REEP5: variants seen among roughly 807,000 people sequenced by gnomAD.
The protein encoded by REEP5 is receptor expression-enhancing protein 5.
Under a neutral mutation model 22.4 loss-of-function variants are expected in REEP5, and 24 were observed. The observed-to-expected ratio is 1.07, with a 90% confidence interval of 0.78 to 1.51. The LOEUF (loss-of-function observed/expected upper bound fraction) is 1.51, where lower values mean the gene tolerates loss of function less well. Ranked by LOEUF, REEP5 falls within the 40% of genes most tolerant of loss-of-function variation. REEP5 has a pLI of 0.00. For missense variants in REEP5, 252 were observed against 233.0 expected, an observed-to-expected ratio of 1.08 and a Z score of -0.53; for synonymous variants, 103 against 88.6, an observed-to-expected ratio of 1.16 and a Z score of -0.92.
Position 112,902,488 on chromosome 5 carries a change from T to G in REEP5, c.243A>C (p.Glu81Asp), listed in dbSNP as rs539446105. The G allele has an allele frequency of 6.2e-7, 1 of 1,609,370 alleles. No individual in the cohort carries two copies. Among genetic ancestry groups the G allele is most frequent in the Non-Finnish European group, 8.5e-7 (1 of 1,178,498 alleles). Residue 81 changes from glutamate (E) to aspartate (D), a missense_variant, in exon 3 of 5, where the codon GAA becomes GAC. Glu to Asp is a conservative substitution (Grantham distance 45). Transcript: ENST00000379638. ...AGTAGGTCAGCCACTGGGTATCATC[T>G]TCTTTGTTGGGACTCTCTATAGCTT... ...SIKAIESPNK[E>D]DDTQWLTYWV...
chr5:112,900,093 T>A (rs1768809310), intron 3 of REEP5, among the ~76,000 whole-genome samples: 1 of 152,250 alleles, frequency 6.6e-6, no homozygotes, highest in African/African-American at 2.4e-5. Flanking sequence ...ATTTCACTAT[T>A]TTAACTCACA....
intron 3 of REEP5, chr5:112,891,499 T>C: frequency 8.7e-7 from 1 of 1,151,468 alleles, no homozygotes; most frequent in Non-Finnish European, 1.2e-6. Context: ...ATTTGTAATA[T>C]ATATAAGTAT....
intron 2 of REEP5, among the ~76,000 whole-genome samples, chr5:112,908,531 A>T (rs1027351538): frequency 1.3e-5 from 2 of 150,270 alleles, no homozygotes; most frequent in Admixed American, 1.3e-4. Context: ...AACAGCTAAT[A>T]ATTTTTTTTT....
At chr5:112,897,690 C>T (rs12332080) in intron 3 of REEP5, 1 of 152,150 alleles carries the variant, frequency 6.6e-6, no homozygotes, top group African/African-American at 2.4e-5. Flanking sequence ...TTTTATTTTC[C>T]TCCAATCTTA....
chr5:112,880,165 C>T (rs1224241505), intron 4 of REEP5, among the ~76,000 whole-genome samples: 1 of 152,050 alleles, frequency 6.6e-6, no homozygotes, highest in Non-Finnish European at 1.5e-5. Context: ...AATCCCAGAG[C>T]TTTGAGAGGC....
intron 3 of REEP5, among the ~76,000 whole-genome samples, chr5:112,887,649 A>G (rs948614149): frequency 2.2e-4 from 34 of 152,176 alleles, no homozygotes; most frequent in African/African-American, 8.0e-4. Context: ...TACCTTGTCC[A>G]TTCCTGAATT....
At chr5:112,896,711 G>A (rs1768690131) in intron 3 of REEP5, 1 of 151,370 alleles carries the variant, frequency 6.6e-6, no homozygotes, top group Non-Finnish European at 1.5e-5. Flanking sequence ...TGAGGTGGGT[G>A]GATCACAAGG....
chr5:112,918,243 GAAC>G (rs1396909551), intron 2 of REEP5, among the ~76,000 whole-genome samples: 1 of 152,128 alleles, frequency 6.6e-6, no homozygotes, highest in Non-Finnish European at 1.5e-5. Context: ...CACACGGAAA[GAAC>G]AACCAGTAGG....
At chr5:112,886,611 G>C (rs1768254445) in intron 4 of REEP5, among the ~76,000 whole-genome samples, 1 of 152,128 alleles carries the variant, frequency 6.6e-6, no homozygotes, top group African/African-American at 2.4e-5. Flanking sequence ...ATGCTTGATG[G>C]AATTTTTCCT....
At chr5:112,881,544 G>A (rs923328268) in intron 4 of REEP5, among the ~76,000 whole-genome samples, 12 of 152,164 alleles carry the variant, frequency 7.9e-5, no homozygotes, top group Non-Finnish European at 1.5e-4. Context: ...TGAGGACACT[G>A]CTTTCTCAAG....
chr5:112,876,684 A>G lies in REEP5; in HGVS notation c.*2102T>C, dbSNP rs1767905508. On this transcript the variant is annotated 3_prime_UTR_variant, in exon 5 of 5. Transcript: ENST00000379638. The stretch of plus-strand genomic sequence containing the variant: ...TGTTTTCTAGCCAGGCACAGGCTCA[A>G]TTAGTTTTTCAAACTCTAGCCAAGG... The G allele has an allele frequency of 6.6e-6, 1 of 152,228 alleles. No individual in the cohort carries two copies. Among genetic ancestry groups the G allele is most frequent in the African/African-American group, 2.4e-5 (1 of 41,470 alleles). The allele number at this position is 152,228 out of a possible 1,614,324, so 9.4% of individuals were successfully genotyped here.
At chr5:112,882,410 G>A (rs1580728421) in intron 4 of REEP5, among the ~76,000 whole-genome samples, 1 of 152,126 alleles carries the variant, frequency 6.6e-6, no homozygotes, top group African/African-American at 2.4e-5. Context: ...AAATTCCATT[G>A]TCAAGCATTA....
chr5:112,892,226 A>G (rs771543724), intron 3 of REEP5: 4 of 1,614,066 alleles, frequency 2.5e-6, no homozygotes, highest in Non-Finnish European at 3.4e-6. Context: ...TCACGTAAAC[A>G]TAATTTCCCA....
chr5:112,897,488 A>C (rs1268881034), intron 3 of REEP5: 1 of 152,172 alleles, frequency 6.6e-6, no homozygotes, highest in East Asian at 1.9e-4. Flanking sequence ...GTTCTAAATA[A>C]ATCTGCTGAA....
chr5:112,891,845 T>C (rs1374430501), intron 3 of REEP5: 1 of 1,548,918 alleles, frequency 6.5e-7, no homozygotes, highest in Non-Finnish European at 8.9e-7. Flanking sequence ...GAGAAGCTAT[T>C]GGAAAGAGAG....
chr5:112,884,571 C>A (rs867360747), intron 4 of REEP5, among the ~76,000 whole-genome samples: 1 of 151,802 alleles, frequency 6.6e-6, no homozygotes, highest in African/African-American at 2.4e-5. Flanking sequence ...GAGAGCGGGT[C>A]TCCATAGGAG....
At chr5:112,899,294 TG>T (rs1768789324) in intron 3 of REEP5, among the ~76,000 whole-genome samples, 1 of 151,474 alleles carries the variant, frequency 6.6e-6, no homozygotes, top group Non-Finnish European at 1.5e-5. Flanking sequence ...TGCTGTGATC[TG>T]GGAGCCTGGT....
intron 2 of REEP5, among the ~76,000 whole-genome samples, chr5:112,913,141 T>C (rs1463714756): frequency 1.3e-5 from 2 of 151,844 alleles, no homozygotes; most frequent in Non-Finnish European, 1.5e-5. Context: ...CCATCTCTAT[T>C]AAAAACACAA....
chr5:112,900,034 A>G (rs1196469796), intron 3 of REEP5, among the ~76,000 whole-genome samples: 1 of 152,198 alleles, frequency 6.6e-6, no homozygotes, highest in Non-Finnish European at 1.5e-5. Context: ...CCAATACCAG[A>G]TATTTTCAAT....
Sources: gnomAD v4.1 joint callset for allele counts (sites outside exome capture counted in the v4.1 genomes callset) on GRCh38, gnomAD v4.1.1 for gene constraint, MANE v1.5 for transcripts, NCBI Gene and HGNC (gene_info 2026-07-23, HGNC 2026-07-21) for gene names.